PALB2: variants seen among roughly 807,000 people sequenced by gnomAD.
PALB2 encodes partner and localizer of BRCA2.
In PALB2, 82 loss-of-function variants were observed where a neutral mutation model predicts 107.4. The observed-to-expected ratio is 0.76, with a 90% CI of 0.64 to 0.92. PALB2 has a LOEUF of 0.92. Among genes scored for constraint, PALB2 ranks in the 40% least tolerant of loss-of-function variants. PALB2 has a pLI of 0.00. For missense variants in PALB2, 1,374 were observed against 1,379.9 expected (o/e 1.00, Z 0.07); for synonymous variants, 489 against 496.8 (o/e 0.98, Z 0.21).
At chr16:23,638,047 A>G (rs374590569) in intron 2 of PALB2, 23 bp downstream of exon 2, 2 of 1,611,398 alleles carry the variant, frequency 1.2e-6, no homozygotes, top group Non-Finnish European at 8.5e-7. Flanking sequence ...TAACACCTTA[A>G]TTTGAGAATA....
At chr16:23,631,279 CAAAAAAAAA>C (rs1157091932) in intron 4 of PALB2, among the ~76,000 whole-genome samples, 3 of 23,646 alleles carry the variant, frequency 1.3e-4, no homozygotes, top group African/African-American at 3.1e-4. Context: ...GACTCTGTCT[CAAAAAAAAA>C]AAAAAAAAAA....
intron 12 of PALB2, chr16:23,607,516 A>G (rs1966499318): frequency 6.0e-6 from 2 of 332,938 alleles, no homozygotes; most frequent in African/African-American, 4.3e-5. Flanking sequence ...AGTTGGTCTC[A>G]AACTCCTGGG....
At chr16:23,604,474 TA>T (rs1310449004) in intron 12 of PALB2, among the ~76,000 whole-genome samples, 7 of 152,218 alleles carry the variant, frequency 4.6e-5, no homozygotes, top group Admixed American at 4.6e-4. Context: ...CAATAAAAAT[TA>T]GCTATTATTA....
chr16:23,631,614 A>C (rs1283947749), intron 4 of PALB2, among the ~76,000 whole-genome samples: 1 of 152,212 alleles, frequency 6.6e-6, no homozygotes, highest in Non-Finnish European at 1.5e-5. Flanking sequence ...GACTGAGGAC[A>C]AGTCTCAACT....
At chr16:23,622,907 T>G (rs1475098294) in intron 9 of PALB2, 62 bp downstream of exon 9, 1 of 1,600,692 alleles carries the variant, frequency 6.2e-7, no homozygotes, top group African/African-American at 1.3e-5. Flanking sequence ...CAACTTTCTC[T>G]GAAACCTGTG....
At chr16:23,637,140 C>T (rs1296881798) in intron 3 of PALB2, among the ~76,000 whole-genome samples, 5 of 151,772 alleles carry the variant, frequency 3.3e-5, no homozygotes, top group Admixed American at 6.6e-5. Context: ...CCCAGGTACT[C>T]GGGAGGCTGA....
At chr16:23,638,963 G>A (rs1967134830) in intron 1 of PALB2, among the ~76,000 whole-genome samples, 1 of 152,150 alleles carries the variant, frequency 6.6e-6, no homozygotes. Flanking sequence ...GGCCAGTGAG[G>A]TTGGAGCTAT....
chr16:23,629,333 T>C (rs1966854359), intron 5 of PALB2, 58 bp from the exon 6 acceptor site: 2 of 1,415,690 alleles, frequency 1.4e-6, no homozygotes, highest in Non-Finnish European at 2.0e-6. Context: ...TCTGCCTGCA[T>C]TACCCACTCA....
intron 11 of PALB2, among the ~76,000 whole-genome samples, 187 bp from the exon 12 acceptor site, chr16:23,608,199 C>G (rs949369488): frequency 6.6e-6 from 1 of 151,984 alleles, no homozygotes; most frequent in African/African-American, 2.4e-5. Flanking sequence ...TATTACTGGA[C>G]TGGACTTCTG....
chr16:23,639,540 C>T (rs538034154), intron 1 of PALB2, among the ~76,000 whole-genome samples: 4 of 139,200 alleles, frequency 2.9e-5, no homozygotes, highest in Non-Finnish European at 4.6e-5. Context: ...AAAAAAAAGG[C>T]CGGGTGCAGT....
chr16:23,630,116 C>T lies in PALB2; in HGVS notation c.2038G>A (p.Gly680Arg), dbSNP rs1223755856. 6.2e-7 allele frequency: 1 copy of T among 1,614,138 alleles called. No homozygotes were observed. The highest frequency in any genetic ancestry group is 1.7e-5 in the Admixed American group (1 of 59,998). ...TTTGGCCTTTTGGGATGTGATTTTCCTGGTAGAACAATAAGGTCCTCTTCT... is the reference window on the plus strand; with the variant it reads ...TTTGGCCTTTTGGGATGTGATTTTCTTGGTAGAACAATAAGGTCCTCTTCT... ...DLEEDLIVLP[G>R]KSHPKRPNSQ... Residue 680 changes from glycine to arginine, a missense_variant, in exon 5 of 13, where the codon GGA (glycine) becomes AGA (arginine). Physicochemically the swap from Gly to Arg is moderately radical, Grantham distance 125. Transcript: ENST00000261584.
At chr16:23,614,637 C>G (rs1324566633) in intron 10 of PALB2, among the ~76,000 whole-genome samples, 2 of 148,536 alleles carry the variant, frequency 1.3e-5, no homozygotes, top group African/African-American at 2.5e-5. Context: ...GTTGGAATCA[C>G]TTCCCAGCTT....
intron 10 of PALB2, among the ~76,000 whole-genome samples, chr16:23,614,712 G>A (rs249937): frequency 0.07 from 10,090 of 143,688 alleles, 415 homozygotes; most frequent in East Asian, 0.16. Flanking sequence ...GTGCAGTGGC[G>A]GGATCTCGGC....
Position 23,622,705 on chromosome 16 carries a change from A to G in PALB2, c.2996+264T>C, listed in dbSNP as rs420259. Among the ~76,000 whole-genome samples the G allele has an allele frequency of 0.33, 50,106 of 152,056 alleles. 8,725 individuals are homozygous for G. Among genetic ancestry groups the G allele is most frequent in the African/African-American group, 0.44 (18,406 of 41,464 alleles). On this transcript the variant is annotated intron_variant, in intron 9 of 12. Coordinates refer to ENST00000261584, the MANE Select transcript of PALB2 (RefSeq NM_024675.4). Reference sequence around the variant, plus strand: ...TGTGCCCAGCAGAGGTATTTCTAACATTTAAGGGACACACAGATTTCAAGA... The same window carrying G: ...TGTGCCCAGCAGAGGTATTTCTAACGTTTAAGGGACACACAGATTTCAAGA...
chr16:23,638,249 A>C, intron 1 of PALB2, 120 bp from the exon 2 acceptor site: 1 of 802,670 alleles, frequency 1.2e-6, no homozygotes, highest in Non-Finnish European at 2.2e-6. Flanking sequence ...GTCCATAACA[A>C]TCTACTTTTG....
rs180177089 is a variant in PALB2 at position 23,635,914 on chromosome 16, T to C, written c.632A>G (p.Glu211Gly). ...GTCTTCATTAATTTCTGTAACTGGT[T>C]CTGGAGAATCTGGAAGTTCAGATTT... Reference protein sequence around the residue: ...SLKSELPDSPEPVTEINEDSV... With the variant: ...SLKSELPDSPGPVTEINEDSV... The change falls in exon 4 of 13, where the codon GAA (glutamate) becomes GGA (glycine). Residue 211 changes from glutamate to glycine, a missense_variant. Coordinates refer to ENST00000261584, the MANE Select transcript of PALB2 (RefSeq NM_024675.4). The C allele has an allele frequency of 6.2e-7, 1 of 1,614,180 alleles. No homozygotes were observed. The highest frequency in any genetic ancestry group is 8.5e-7 in the Non-Finnish European group (1 of 1,180,030).
rs1407319475 is a variant in PALB2, at chr16:23,635,611, C to T, written c.935G>A (p.Ser312Asn). 1.2e-6 allele frequency: 2 copies of T among 1,613,920 alleles called. No homozygotes were observed. Among genetic ancestry groups the T allele is most frequent in the Admixed American group, 3.3e-5 (2 of 59,988 alleles). Residue 312 changes from serine to asparagine, a missense_variant, in exon 4 of 13, where the codon AGT becomes AAT. Ser to Asn is a conservative substitution (Grantham distance 46, BLOSUM62 1). Coordinates refer to ENST00000261584, the MANE Select transcript of PALB2 (RefSeq NM_024675.4). The part of the protein sequence containing the change: ...NLLVNKAISK[S>N]GQLPTSSNLE... Reference sequence around the variant, plus strand: ...ATTAGAACTTGTGGGCAGTTGGCCACTTTTACTTATAGCTTTATTTACAAG... The same window carrying T: ...ATTAGAACTTGTGGGCAGTTGGCCATTTTTACTTATAGCTTTATTTACAAG...
intron 7 of PALB2, among the ~76,000 whole-genome samples, 197 bp from the exon 8 acceptor site, chr16:23,624,291 G>A (rs1446837230): frequency 6.6e-6 from 1 of 152,170 alleles, no homozygotes; most frequent in Non-Finnish European, 1.5e-5. Context: ...AGTGCTTACT[G>A]AGCATTTACC....
intron 10 of PALB2, among the ~76,000 whole-genome samples, chr16:23,619,303 G>C (rs990896979): frequency 3.9e-5 from 6 of 152,094 alleles, no homozygotes; most frequent in African/African-American, 1.4e-4. Context: ...TCCTGTGATG[G>C]TTTCCCTATC....
Sources: allele counts gnomAD v4.1 joint callset (sites outside exome capture counted in the v4.1 genomes callset), GRCh38; gene constraint gnomAD v4.1.1; transcripts MANE v1.5; gene names NCBI Gene and HGNC (gene_info 2026-07-23, HGNC 2026-07-21).